Variants in PPA2 observed in about 807,000 individuals in gnomAD.
The protein encoded by PPA2 is inorganic pyrophosphatase 2, mitochondrial.
In PPA2, 48 loss-of-function variants were observed where a neutral mutation model predicts 49.5. That is an observed-to-expected ratio of 0.97 (90% confidence interval 0.77 to 1.23). The LOEUF (loss-of-function observed/expected upper bound fraction) is 1.23. PPA2 is among the 50% of genes most tolerant of loss of function. The pLI, the probability that PPA2 is intolerant of heterozygous loss-of-function variation, is 0.00. For missense variants in PPA2, 429 were observed against 410.1 expected, an observed-to-expected ratio of 1.05 and a Z score of -0.40; for synonymous variants, 131 against 139.9, an observed-to-expected ratio of 0.94 and a Z score of 0.45.
Position 105,369,649 on chromosome 4 carries a change from T to C in PPA2, c.*76A>G. The C allele has an allele frequency of 1.0e-6, 1 of 994,432 alleles. No individual in the cohort carries two copies. Among genetic ancestry groups the C allele is most frequent in the Admixed American group, 2.5e-5 (1 of 39,344 alleles). 61.6% of individuals were successfully genotyped at this position (994,432 alleles called of 1,614,324 possible). A position where few individuals can be genotyped will look rare whatever the true frequency, so the allele number is the denominator to read the frequency against. On this transcript the variant is annotated 3_prime_UTR_variant, in exon 12 of 12. Transcript: ENST00000341695. ...GTTTTAACAGGAAGTCAGTAAATGC[T>C]CATAGACCCCCTTGTCTCTAGCACT...
rs188815035 is a variant in PPA2, at chr4:105,433,448, C to T, written c.528+4502G>A. 1.2e-4 allele frequency among the ~76,000 whole-genome samples: 18 copies of T among 152,256 alleles called. No individual in the cohort carries two copies. In the East Asian group the frequency reaches 1.7e-3, roughly 15 times the overall value. On this transcript the variant is annotated intron_variant, in intron 6 of 11. Coordinates refer to ENST00000341695, the MANE Select transcript of PPA2 (RefSeq NM_176869.3). Reference sequence around the variant, plus strand: ...ACTCCCATTTGAAAAATTACAGAAACGATGGCTCTGGAGATGGAAAATGGG... The same window carrying T: ...ACTCCCATTTGAAAAATTACAGAAATGATGGCTCTGGAGATGGAAAATGGG...
In PPA2 at chr4:105,468,790, A is replaced by G. The variant is rs1043835421; in HGVS notation, c.157+5104T>C. On this transcript the variant is annotated intron_variant, in intron 1 of 11. Coordinates refer to ENST00000341695, the MANE Select transcript of PPA2 (RefSeq NM_176869.3). ...CACTTTTACAGTTGGAACTAACACA[A>G]CCCTCATGCATTAGACCTGCATGGG... 2.6e-5 allele frequency among the ~76,000 whole-genome samples: 4 copies of G among 152,048 alleles called. 1 individual carries two copies. The highest frequency in any genetic ancestry group is 2.6e-4 in the Admixed American group (4 of 15,276).
At chr4:105,473,305 G>A (rs2110339022) in intron 1 of PPA2, 1 of 204,896 alleles carries the variant, frequency 4.9e-6, no homozygotes, top group East Asian at 1.8e-4. Context: ...GGCTTTGGAT[G>A]GTGGATCACA....
At chr4:105,430,038 AC>A (rs1221105635) in intron 6 of PPA2, among the ~76,000 whole-genome samples, 1 of 152,194 alleles carries the variant, frequency 6.6e-6, no homozygotes, top group Non-Finnish European at 1.5e-5. Flanking sequence ...ATATCCTTTT[AC>A]TTTTAAAGGT....
rs1733031465 is a variant in PPA2, at chr4:105,371,639, T to G, written c.940-766A>C. 1.3e-5 allele frequency among the ~76,000 whole-genome samples: 2 copies of G among 152,168 alleles called. 1 individual carries two copies. The highest frequency in any genetic ancestry group is 4.1e-4 in the South Asian group (2 of 4,832). ...TAATTAACTTCTAATTCTCTGAATT[T>G]GCTGACCTTCAATAGATAGGAAATA... is the stretch of plus-strand genomic sequence containing the variant. On this transcript the variant is annotated intron_variant, in intron 10 of 11. Transcript: ENST00000341695.
intron 10 of PPA2, among the ~76,000 whole-genome samples, chr4:105,372,735 C>T (rs1474884714): frequency 6.6e-6 from 1 of 152,178 alleles, no homozygotes; most frequent in African/African-American, 2.4e-5. Context: ...CTCCAGCCCA[C>T]CAGCCCAACT....
intron 10 of PPA2, among the ~76,000 whole-genome samples, chr4:105,386,348 A>G (rs1333894469): frequency 3.3e-5 from 5 of 152,224 alleles, no homozygotes. Context: ...CTAAATGGTT[A>G]ATGAACTTTC....
chr4:105,466,023 A>G (rs1723286896), intron 1 of PPA2, among the ~76,000 whole-genome samples: 1 of 151,872 alleles, frequency 6.6e-6, no homozygotes, highest in Non-Finnish European at 1.5e-5. Context: ...TAATTCATCT[A>G]TATTCTTTTT....
intron 7 of PPA2, chr4:105,405,349 A>G: frequency 1.3e-6 from 1 of 759,344 alleles, no homozygotes; most frequent in Non-Finnish European, 1.6e-6. Flanking sequence ...CACTTATAGT[A>G]AAGACCCTAA....
At chr4:105,400,292 A>T (rs1216415676) in intron 7 of PPA2, among the ~76,000 whole-genome samples, 1 of 152,102 alleles carries the variant, frequency 6.6e-6, no homozygotes, top group African/African-American at 2.4e-5. Context: ...AGGGGAAAAA[A>T]ATCTTTTAGT....
At chr4:105,408,165 AT>A (rs1369789581) in intron 7 of PPA2, among the ~76,000 whole-genome samples, 1 of 152,122 alleles carries the variant, frequency 6.6e-6, no homozygotes, top group African/African-American at 2.4e-5. Context: ...AAAAGTGGCA[AT>A]TAACCAACTG....
intron 7 of PPA2, among the ~76,000 whole-genome samples, chr4:105,417,227 C>T (rs548936547): frequency 1.3e-5 from 2 of 152,252 alleles, no homozygotes; most frequent in South Asian, 4.1e-4. Context: ...AAAAACGTGC[C>T]AATGTCCCCA....
chr4:105,436,332 G>GA (rs1724055269), intron 6 of PPA2, among the ~76,000 whole-genome samples: 2 of 151,936 alleles, frequency 1.3e-5, no homozygotes, highest in Non-Finnish European at 2.9e-5. Flanking sequence ...GACACAGAGG[G>GA]AAAAACATCC....
At chr4:105,375,153 C>G (rs1733196033) in intron 10 of PPA2, among the ~76,000 whole-genome samples, 1 of 151,968 alleles carries the variant, frequency 6.6e-6, no homozygotes, top group Non-Finnish European at 1.5e-5. Flanking sequence ...ATTTTAAGTT[C>G]ATGTAAGTTT....
intron 6 of PPA2, among the ~76,000 whole-genome samples, chr4:105,436,249 AG>A (rs1376351397): frequency 6.6e-6 from 1 of 151,960 alleles, no homozygotes; most frequent in Non-Finnish European, 1.5e-5. Context: ...CACACCCCGC[AG>A]GAATACATTT....
intron 7 of PPA2, 92 bp downstream of exon 7, chr4:105,424,104 C>T: frequency 7.6e-7 from 1 of 1,315,762 alleles, no homozygotes. Context: ...TTAAAAAGTA[C>T]ATTTAACTCC....
chr4:105,438,971 A>T (rs1202224164), intron 5 of PPA2, among the ~76,000 whole-genome samples: 1 of 152,224 alleles, frequency 6.6e-6, no homozygotes, highest in South Asian at 2.1e-4. Flanking sequence ...TTCTAGTACT[A>T]ATTAGTTTAT....
At chr4:105,449,109 T>G (rs868108123) in intron 4 of PPA2, among the ~76,000 whole-genome samples, 2 of 136,702 alleles carry the variant, frequency 1.5e-5, no homozygotes, top group African/African-American at 6.3e-5. Context: ...CCTAGCTACT[T>G]GGGAGGCTGA....
chr4:105,451,872 TA>T (rs1330650062), intron 3 of PPA2, among the ~76,000 whole-genome samples: 2 of 152,340 alleles, frequency 1.3e-5, no homozygotes, highest in East Asian at 3.9e-4. Flanking sequence ...ATTTGTCCTG[TA>T]ATTAATTTTT....
Sources: allele counts gnomAD v4.1 joint callset (sites outside exome capture counted in the v4.1 genomes callset), GRCh38; gene constraint gnomAD v4.1.1; transcripts MANE v1.5; gene names NCBI Gene and HGNC (gene_info 2026-07-23, HGNC 2026-07-21).